Variants in FZR1 observed in about 807,000 individuals in gnomAD.
FZR1 encodes fizzy-related protein homolog.
In FZR1, 11 loss-of-function variants were observed where a neutral mutation model predicts 63.6. The ratio of observed to expected loss-of-function variants is 0.17; its 90% CI spans 0.11 to 0.29. The LOEUF is 0.29. FZR1 is among the 10% of genes least tolerant of loss of function. The probability of loss-of-function intolerance (pLI) is 1.00; values close to 1 mark genes in which losing one functional copy is unlikely to be tolerated. For missense variants in FZR1, 440 were observed against 687.5 expected (o/e 0.64, Z 4.03); for synonymous variants, 328 against 297.9 (o/e 1.10, Z -1.04).
chr19:3,529,155 TGG>T (rs1568237498), intron 7 of FZR1, among the ~76,000 whole-genome samples: 34 of 96,546 alleles, frequency 3.5e-4, no homozygotes, highest in African/African-American at 1.3e-3. Context: ...GGAGAGCGGA[TGG>T]GAGAGCGGTT....
At position 3,526,312 on chromosome 19, in the gene FZR1, G is replaced by A. The variant is rs1446224791; in HGVS notation, c.313G>A (p.Glu105Lys). The change falls in exon 5 of 14, where the codon GAG (glutamate) becomes AAG (lysine). Residue 105 changes from glutamate (E) to lysine (K), a missense_variant. Physicochemically the swap from Glu to Lys is moderately conservative, Grantham distance 56. This residue lies in a region of FZR1 where 200 missense variants were observed against 245.1 expected (regional missense o/e 0.82). Coordinates refer to ENST00000441788, the MANE Select transcript of FZR1 (RefSeq NM_016263.4). The surrounding 1 kb of genome is among the most constrained non-coding windows in gnomAD (Gnocchi z 5.4). Reference protein sequence around the residue: ...LKNELLGAGIEKVQDPQTEDR... With the variant: ...LKNELLGAGIKKVQDPQTEDR... ...GAATGAGCTGCTGGGTGCCGGCATC[G>A]AGAAGGTGCAGGACCCGCAGACTGA... The A allele has an allele frequency of 1.2e-6, 2 of 1,605,840 alleles. No homozygotes were observed. Among genetic ancestry groups the A allele is most frequent in the South Asian group, 1.1e-5 (1 of 90,332 alleles).
chr19:3,530,717 G>A, intron 7 of FZR1, 75 bp from the exon 8 acceptor site: 1 of 1,069,218 alleles, frequency 9.4e-7, no homozygotes, highest in East Asian at 2.5e-5. Context: ...TGAGACAGTG[G>A]AGGGATGAAT....
At chr19:3,509,478 T>G (rs1158859678) in intron 1 of FZR1, among the ~76,000 whole-genome samples, 1 of 152,246 alleles carries the variant, frequency 6.6e-6, no homozygotes, top group Non-Finnish European at 1.5e-5. Flanking sequence ...AGTAGCTTTA[T>G]TTGGATACAC....
rs774999278 is a variant in FZR1 at position 3,525,824 on chromosome 19, G to A, written c.70-44G>A. On this transcript the variant is annotated intron_variant, in intron 2 of 13. Transcript: ENST00000441788. This position sits in a 1 kb window ranked among gnomAD's most constrained non-coding sequence, Gnocchi z 4.2. ...AGGCTGGCCTGGGGGCACTCTCGGG[G>A]GGCTCTCGGTGCTGAGAGCAAGCCC... is the stretch of plus-strand genomic sequence containing the variant. The A allele has an allele frequency of 1.9e-6, 3 of 1,596,354 alleles. No homozygotes were observed. The highest frequency in any genetic ancestry group is 1.3e-5 in the African/African-American group (1 of 74,698).
intron 7 of FZR1, among the ~76,000 whole-genome samples, chr19:3,528,018 G>GCCCCCCAGCCACGGCCCTCCCAAC (rs2083178916): frequency 6.6e-6 from 1 of 151,420 alleles, no homozygotes; most frequent in African/African-American, 2.4e-5. Flanking sequence ...CCCAGTCAGG[G>GCCCCCCAGCCACGGCCCTCCCAAC]CCTCCCAGCC....
At chr19:3,513,066 C>G (rs563407671) in intron 1 of FZR1, among the ~76,000 whole-genome samples, 1 of 152,208 alleles carries the variant, frequency 6.6e-6, no homozygotes, top group East Asian at 1.9e-4. Flanking sequence ...GGAGGGGGCT[C>G]TCTGGGAGGG....
rs143445204 is a variant in FZR1, at chr19:3,528,233, C to T, written c.654+419C>T. ...CCGCTGTCCTGGAGTGGCCTCTGGG[C>T]GCATGGAGCCTGCTAGTCCCTACAG... is the stretch of plus-strand genomic sequence containing the variant. On this transcript the variant is annotated intron_variant, in intron 7 of 13. Coordinates refer to ENST00000441788, the MANE Select transcript of FZR1 (RefSeq NM_016263.4). Among the ~76,000 whole-genome samples, 231 of 152,348 alleles carry T rather than the reference C, an allele frequency of 1.5e-3. 9 individuals are homozygous for T. In the East Asian group the frequency reaches 0.041, roughly 27 times the overall value.
At chr19:3,532,246 C>T (rs2083255586) in intron 10 of FZR1, 151 bp downstream of exon 10, 1 of 911,694 alleles carries the variant, frequency 1.1e-6, no homozygotes, top group Admixed American at 2.9e-5. Flanking sequence ...TCCTGCTCAG[C>T]CAGTCCTGCC....
chr19:3,519,635 C>T (rs1160205966), intron 1 of FZR1, among the ~76,000 whole-genome samples: 1 of 152,176 alleles, frequency 6.6e-6, no homozygotes, highest in Non-Finnish European at 1.5e-5. Flanking sequence ...GCCGATGTTT[C>T]CAGCTGTCCT....
Position 3,514,532 on chromosome 19 carries a change from AATC to A in FZR1, c.-35+8060_-35+8062del, listed in dbSNP as rs2083045135. Among the ~76,000 whole-genome samples, 6 of 152,258 alleles carry A rather than the reference AATC, an allele frequency of 3.9e-5. No homozygotes were observed. In the South Asian group the frequency reaches 1.2e-3, roughly 32 times the overall value. Reference sequence around the variant, plus strand: ...ACCATATATCATACCCTGGGGGCAGAATCACCCTGGTTAAGACCCCCTGGGTTA... The same window carrying A: ...ACCATATATCATACCCTGGGGGCAGAACCCTGGTTAAGACCCCCTGGGTTA... On this transcript the variant is annotated intron_variant, in intron 1 of 13. Transcript: ENST00000441788. The surrounding 1 kb of genome is among the most constrained non-coding windows in gnomAD (Gnocchi z 4.2).
chr19:3,527,870 C>T, intron 7 of FZR1, 56 bp downstream of exon 7: 6 of 1,358,264 alleles, frequency 4.4e-6, no homozygotes, highest in East Asian at 2.4e-5. Context: ...TCCCAGCAGA[C>T]CTCAATGTAC....
At chr19:3,527,882 C>A in intron 7 of FZR1, 68 bp downstream of exon 7, 1 of 1,267,358 alleles carries the variant, frequency 7.9e-7, no homozygotes, top group Admixed American at 1.9e-5. Flanking sequence ...TCAATGTACC[C>A]ACCGGGATCC....
chr19:3,536,537 T>C lies in FZR1; in HGVS notation c.*1701T>C, dbSNP rs2029976835. The stretch of plus-strand genomic sequence containing the variant: ...AGTTGCCAAAGAGCCGCCTTGTCGC[T>C]GTGGGCGTCAGGGCTTGGCTGGCTC... On this transcript the variant is annotated 3_prime_UTR_variant, in exon 14 of 14. Transcript: ENST00000441788. 6.6e-6 allele frequency: 1 copy of C among 152,282 alleles called. No individual in the cohort carries two copies. The highest frequency in any genetic ancestry group is 1.5e-5 in the Non-Finnish European group (1 of 68,068). 9.4% of individuals were successfully genotyped at this position (152,282 alleles called of 1,614,324 possible).
In FZR1 at chr19:3,526,028, C is replaced by CG; in HGVS notation, c.195+38dup. 2 of 1,611,168 alleles carry CG rather than the reference C, an allele frequency of 1.2e-6. No individual in the cohort carries two copies. Among genetic ancestry groups the CG allele is most frequent in the South Asian group, 2.2e-5 (2 of 91,004 alleles). ...TGGCTGGGCAGGAGATGGGACCCCC[C>CG]GGGAAGCCCAGGGCCCCTCCCAGCC... On this transcript the variant is annotated intron_variant, in intron 3 of 13. Coordinates refer to ENST00000441788, the MANE Select transcript of FZR1 (RefSeq NM_016263.4). The surrounding 1 kb of genome is among the most constrained non-coding windows in gnomAD (Gnocchi z 5.4).
rs2122048212 is a variant in FZR1 at position 3,536,976 on chromosome 19, C to T, written c.*2140C>T. The T allele has an allele frequency of 6.6e-6, 1 of 152,238 alleles. No homozygotes were observed. The highest frequency in any genetic ancestry group is 1.9e-4 in the East Asian group (1 of 5,152). 9.4% of individuals were successfully genotyped at this position (152,238 alleles called of 1,614,324 possible). ...ATCCTGCAGGGCCAAGGACTGGACTCCAGGCAAGTCCCTGCGCTCCAGCTG... is the reference window on the plus strand; with the variant it reads ...ATCCTGCAGGGCCAAGGACTGGACTTCAGGCAAGTCCCTGCGCTCCAGCTG... On this transcript the variant is annotated 3_prime_UTR_variant, in exon 14 of 14. Transcript: ENST00000441788.
chr19:3,518,011 CTTTTTTTTTT>C (rs1220242480), intron 1 of FZR1, among the ~76,000 whole-genome samples: 1 of 109,522 alleles, frequency 9.1e-6, no homozygotes, highest in South Asian at 2.9e-4. Context: ...CTGTTTCTTT[CTTTTTTTTTT>C]TTTTTTTTTT....
rs1367474451 is a variant in FZR1 at position 3,516,338 on chromosome 19, T to C, written c.-34-6618T>C. 6.6e-6 allele frequency among the ~76,000 whole-genome samples: 1 copy of C among 152,174 alleles called. No homozygotes were observed. Among genetic ancestry groups the C allele is most frequent in the Non-Finnish European group, 1.5e-5 (1 of 68,032 alleles). On this transcript the variant is annotated intron_variant, in intron 1 of 13. Coordinates refer to ENST00000441788, the MANE Select transcript of FZR1 (RefSeq NM_016263.4). This position sits in a 1 kb window ranked among gnomAD's most constrained non-coding sequence, Gnocchi z 6.0. ...TCCCAGTGCGGTTTGTTGGTGTCCT[T>C]TGCTACTTTGGGCTCTCCTGTGGGT...
chr19:3,522,911 C>T, intron 1 of FZR1, 45 bp from the exon 2 acceptor site: 1 of 996,430 alleles, frequency 1.0e-6, no homozygotes, highest in Admixed American at 1.7e-5. Context: ...GGTCTCCGGG[C>T]AGCCGGCCCT....
Position 3,533,364 on chromosome 19 carries a change from A to G in FZR1, c.1313A>G (p.Lys438Arg). The G allele has an allele frequency of 6.2e-7, 1 of 1,612,782 alleles. No homozygotes were observed. The highest frequency in any genetic ancestry group is 8.5e-7 in the Non-Finnish European group (1 of 1,179,502). Residue 438 changes from lysine (K) to arginine (R), a missense_variant, in exon 12 of 14, where the codon AAG becomes AGG. Physicochemically the swap from Lys to Arg is conservative, Grantham distance 26 (BLOSUM62 2). This residue lies in a region of FZR1 where 208 missense variants were observed against 363.6 expected (regional missense o/e 0.57). Coordinates refer to ENST00000441788, the MANE Select transcript of FZR1 (RefSeq NM_016263.4). This position sits in a 1 kb window ranked among gnomAD's most constrained non-coding sequence, Gnocchi z 4.9. ...WKYPSLTQVA[K>R]LTGHSYRVLY... ...TACCCCTCCCTGACCCAGGTGGCCA[A>G]GCTGACCGGGCACTCCTACCGCGTG...
Sources: gnomAD v4.1 joint callset for allele counts (sites outside exome capture counted in the v4.1 genomes callset) on GRCh38, gnomAD v4.1.1 for gene constraint, gnomAD v4.1.1 regional missense constraint, Gnocchi (gnomAD v3.1) non-coding constraint, MANE v1.5 for transcripts, NCBI Gene and HGNC (gene_info 2026-07-23, HGNC 2026-07-21) for gene names.